Variants in UNC13C observed in about 807,000 individuals in gnomAD.
UNC13C encodes unc-13 homolog C, also known as protein unc-13 homolog C.
Under a neutral mutation model 245.4 loss-of-function variants are expected in UNC13C, and 174 were observed. The ratio of observed to expected loss-of-function variants is 0.71; its 90% CI spans 0.63 to 0.80. The LOEUF (loss-of-function observed/expected upper bound fraction) is 0.80, where lower values mean the gene tolerates loss of function less well. Among genes scored for constraint, UNC13C ranks in the 30% least tolerant of loss-of-function variants. The probability of loss-of-function intolerance (pLI) is 0.00; values close to 1 mark genes in which losing one functional copy is unlikely to be tolerated. For synonymous variants in UNC13C, 992 were observed against 895.1 expected (o/e 1.11, Z -1.93); for missense variants, 2,829 against 2,602.9 (o/e 1.09, Z -1.89).
At chr15:54,544,573 G>A (rs914077541) in intron 26 of UNC13C, among the ~76,000 whole-genome samples, 2 of 152,124 alleles carry the variant, frequency 1.3e-5, no homozygotes, top group Non-Finnish European at 2.9e-5. Flanking sequence ...AAAATCTCCT[G>A]AAGCTGATAA....
intron 28 of UNC13C, among the ~76,000 whole-genome samples, chr15:54,551,825 TCTC>T (rs1896747929): frequency 6.6e-6 from 1 of 151,928 alleles, no homozygotes; most frequent in African/African-American, 2.4e-5. Context: ...GAGCAATAAA[TCTC>T]CTACAGTATT....
At chr15:54,421,340 A>G (rs1237710601) in intron 19 of UNC13C, among the ~76,000 whole-genome samples, 2 of 152,054 alleles carry the variant, frequency 1.3e-5, no homozygotes, top group Non-Finnish European at 2.9e-5. Flanking sequence ...TAAATAGCCT[A>G]TACATCAAAA....
At chr15:53,856,043 A>T in the UNC13C span, among the ~76,000 whole-genome samples, 3 of 151,988 alleles carry the variant, frequency 2.0e-5, no homozygotes, top group Non-Finnish European at 4.4e-5. Flanking sequence ...CCAGGAATTT[A>T]TCCATTTTTT....
rs28627269 is a variant in UNC13C, at chr15:54,278,812, T to C, written c.3818+13316T>C. Among the ~76,000 whole-genome samples the C allele has an allele frequency of 3.9e-3, 598 of 152,320 alleles. 3 individuals carry two copies. Among genetic ancestry groups the C allele is most frequent in the African/African-American group, 0.014 (587 of 41,578 alleles). On this transcript the variant is annotated intron_variant, in intron 10 of 32. Coordinates refer to ENST00000260323, the MANE Select transcript of UNC13C (RefSeq NM_001080534.3). ...GACCTATAAAAATGGAAATATTATA[T>C]GGTTCAACCTAAAGTAATCGCTTTC...
At chr15:54,233,141 T>G (rs2140821492) in intron 4 of UNC13C, among the ~76,000 whole-genome samples, 1 of 152,306 alleles carries the variant, frequency 6.6e-6, no homozygotes, top group Non-Finnish European at 1.5e-5. Context: ...ATTCTCAAAC[T>G]TTGACTCACT....
At chr15:54,366,218 A>G (rs893654555) in intron 17 of UNC13C, among the ~76,000 whole-genome samples, 6 of 152,184 alleles carry the variant, frequency 3.9e-5, no homozygotes, top group African/African-American at 1.4e-4. Flanking sequence ...TTTCATCTAC[A>G]TATAATTTGG....
At chr15:54,076,148 T>G (rs1260777927) in intron 2 of UNC13C, among the ~76,000 whole-genome samples, 1 of 149,768 alleles carries the variant, frequency 6.7e-6, no homozygotes, top group Non-Finnish European at 1.5e-5. Context: ...AGGGTACATG[T>G]GCACATTGTG....
chr15:54,271,976 C>T (rs555531560), intron 10 of UNC13C, among the ~76,000 whole-genome samples: 2 of 152,294 alleles, frequency 1.3e-5, no homozygotes, highest in Admixed American at 1.3e-4. Flanking sequence ...AAAGTATTGA[C>T]TTAAAGAGTG....
intron 2 of UNC13C, among the ~76,000 whole-genome samples, chr15:54,066,642 G>C (rs984241878): frequency 6.6e-6 from 1 of 152,158 alleles, no homozygotes; most frequent in South Asian, 2.1e-4. Context: ...CAGAGGTCAC[G>C]TGTTATGCCT....
the UNC13C span, among the ~76,000 whole-genome samples, chr15:53,874,803 T>A: frequency 1.3e-5 from 2 of 152,150 alleles, no homozygotes; most frequent in Admixed American, 6.6e-5. Flanking sequence ...GTAAATAATT[T>A]AAAAAATCTT....
At chr15:54,278,305 G>T (rs1396624260) in intron 10 of UNC13C, among the ~76,000 whole-genome samples, 56 of 151,992 alleles carry the variant, frequency 3.7e-4, no homozygotes. Context: ...TTTCTTTACT[G>T]CTCCCTACTT....
chr15:54,240,391 C>T (rs1330517220), intron 7 of UNC13C, among the ~76,000 whole-genome samples: 1 of 152,190 alleles, frequency 6.6e-6, no homozygotes, highest in East Asian at 1.9e-4. Flanking sequence ...TGCTGAAAAT[C>T]TTTCTAGGCA....
chr15:54,224,256 A>T (rs113340787), intron 4 of UNC13C, among the ~76,000 whole-genome samples: 104 of 152,192 alleles, frequency 6.8e-4, no homozygotes, highest in African/African-American at 2.4e-3. Context: ...TCAGTATGTT[A>T]CTAGCTGTGT....
the UNC13C span, among the ~76,000 whole-genome samples, chr15:53,841,339 T>A: frequency 6.6e-6 from 1 of 152,094 alleles, no homozygotes; most frequent in East Asian, 1.9e-4. Flanking sequence ...TAAACTCCCA[T>A]TCCTTCCAAT....
At chr15:54,579,887 T>A (rs1237765227) in intron 30 of UNC13C, among the ~76,000 whole-genome samples, 1 of 152,076 alleles carries the variant, frequency 6.6e-6, no homozygotes. Context: ...AAGTGCCGAG[T>A]TAATGATAAA....
intron 1 of UNC13C, among the ~76,000 whole-genome samples, chr15:53,983,410 T>G (rs1413423403): frequency 6.6e-6 from 1 of 151,814 alleles, no homozygotes; most frequent in East Asian, 1.9e-4. Flanking sequence ...CTAAGGAAAA[T>G]TTATATTTCC....
intron 2 of UNC13C, among the ~76,000 whole-genome samples, chr15:54,080,006 GTTTT>G: frequency 7.7e-6 from 1 of 129,920 alleles, no homozygotes; most frequent in South Asian, 2.3e-4. Context: ...TTGTCGAGCG[GTTTT>G]TTTTTTTTTT....
At chr15:54,537,198 G>A (rs1896023103) in intron 26 of UNC13C, among the ~76,000 whole-genome samples, 1 of 151,932 alleles carries the variant, frequency 6.6e-6, no homozygotes, top group African/African-American at 2.4e-5. Context: ...CAAACTGAGA[G>A]CCAAATCGAG....
intron 27 of UNC13C, among the ~76,000 whole-genome samples, chr15:54,548,140 A>G (rs900663950): frequency 2.1e-5 from 3 of 146,026 alleles, no homozygotes; most frequent in South Asian, 2.2e-4. Flanking sequence ...TGGTAGCTCC[A>G]CTTGCGTGAG....
Sources: allele counts gnomAD v4.1 joint callset (sites outside exome capture counted in the v4.1 genomes callset), GRCh38; gene constraint gnomAD v4.1.1; transcripts MANE v1.5; gene names NCBI Gene and HGNC (gene_info 2026-07-23, HGNC 2026-07-21).